The following NMNAT2 variants were observed in gnomAD, a reference collection of about 807,000 sequenced individuals.
The protein encoded by NMNAT2 is nicotinamide/nicotinic acid mononucleotide adenylyltransferase 2.
Under a neutral mutation model 41.6 loss-of-function variants are expected in NMNAT2, and 11 were observed. The observed-to-expected ratio is 0.26, with a 90% CI of 0.17 to 0.44. The LOEUF is 0.44. Among genes scored for constraint, NMNAT2 ranks in the 20% least tolerant of loss-of-function variants. The probability of loss-of-function intolerance (pLI) is 1.00; values close to 1 mark genes in which losing one functional copy is unlikely to be tolerated. For missense variants in NMNAT2, 288 were observed against 407.7 expected, an observed-to-expected ratio of 0.71 and a Z score of 2.53; for synonymous variants, 148 against 151.2, an observed-to-expected ratio of 0.98 and a Z score of 0.16.
At position 183,249,517 on chromosome 1, in the gene NMNAT2, C is replaced by G. The variant is rs986414561; in HGVS notation, c.*3124G>C. 1.3e-5 allele frequency: 2 copies of G among 152,284 alleles called. No individual in the cohort carries two copies. The highest frequency in any genetic ancestry group is 6.5e-5 in the Admixed American group (1 of 15,290). The allele number at this position is 152,284 out of a possible 1,614,324, so 9.4% of individuals were successfully genotyped here. ...TGGGCTTTGCAGGAAGGAACAGGAC[C>G]CCAGAGACAAAGTCGGGGGGTAGAG... On this transcript the variant is annotated 3_prime_UTR_variant, in exon 11 of 11. Transcript: ENST00000287713.
rs75525838 is a variant in NMNAT2, at chr1:183,287,094, C to G, written c.322-306G>C. ...CCTGAACCTCAAATCAGGAGTCTAA[C>G]CATATATCTGTCTTTTTCAGTTGTG... On this transcript the variant is annotated intron_variant, in intron 4 of 10. Coordinates refer to ENST00000287713, the MANE Select transcript of NMNAT2 (RefSeq NM_015039.4). 8.7e-3 allele frequency among the ~76,000 whole-genome samples: 1,328 copies of G among 152,188 alleles called. 28 individuals are homozygous for G. Among genetic ancestry groups the G allele is most frequent in the African/African-American group, 0.029 (1,223 of 41,512 alleles).
chr1:183,267,965 G>A (rs150167125), intron 8 of NMNAT2, among the ~76,000 whole-genome samples: 88 of 152,248 alleles, frequency 5.8e-4, no homozygotes, highest in African/African-American at 2.1e-3. Flanking sequence ...CCTCAGAGGT[G>A]GGGGTCTGTG....
chr1:183,370,145 G>A (rs79924425), intron 1 of NMNAT2, among the ~76,000 whole-genome samples: 1 of 151,574 alleles, frequency 6.6e-6, no homozygotes, highest in African/African-American at 2.4e-5. Flanking sequence ...GGACCCAAGG[G>A]GGAGAAAAAG....
chr1:183,311,912 C>T (rs1276054713), intron 1 of NMNAT2, among the ~76,000 whole-genome samples: 3 of 152,008 alleles, frequency 2.0e-5, no homozygotes, highest in Non-Finnish European at 4.4e-5. Flanking sequence ...ATGCTGTTCT[C>T]GTGATAGCAA....
intron 1 of NMNAT2, among the ~76,000 whole-genome samples, chr1:183,348,217 T>G (rs894766760): frequency 7.3e-5 from 11 of 149,758 alleles, no homozygotes; most frequent in Non-Finnish European, 1.2e-4. Context: ...CTTTTAGAGG[T>G]TTTTTTTTTC....
rs201215509 is a variant in NMNAT2 at position 183,284,733 on chromosome 1, G to A, written c.506C>T (p.Pro169Leu). ...ACCTACAAAGGTGAAACGCTCCACC[G>A]GCGGGCGGACACAGCAGATCCGGCT... is the stretch of plus-strand genomic sequence containing the variant. ...SLSRICCVRP[P>L]VERFTFVDEN... Residue 169 changes from proline to leucine, a missense_variant, in exon 6 of 11, where the codon CCG (proline) becomes CTG (leucine). Physicochemically the swap from Pro to Leu is moderately conservative, Grantham distance 98. Around this residue, in one of 3 missense-constraint regions of NMNAT2, gnomAD observed 181 missense variants for 213.7 expected, o/e 0.85. Coordinates refer to ENST00000287713, the MANE Select transcript of NMNAT2 (RefSeq NM_015039.4). 7 of 1,614,042 alleles carry A rather than the reference G, an allele frequency of 4.3e-6. No individual in the cohort carries two copies. Among genetic ancestry groups the A allele is most frequent in the East Asian group, 4.5e-5 (2 of 44,880 alleles).
chr1:183,400,859 A>G (rs540535199), intron 1 of NMNAT2, among the ~76,000 whole-genome samples: 62 of 152,338 alleles, frequency 4.1e-4, no homozygotes, highest in African/African-American at 1.4e-3. Context: ...CTGGCTAGCC[A>G]TATGTAGAAA....
intron 8 of NMNAT2, among the ~76,000 whole-genome samples, chr1:183,264,680 G>A (rs10911291): frequency 0.1 from 15,530 of 152,222 alleles, 907 homozygotes; most frequent in East Asian, 0.2. Context: ...GTATTTGCGT[G>A]TGTGCATGTG....
At chr1:183,274,026 C>T (rs1571565714) in intron 8 of NMNAT2, among the ~76,000 whole-genome samples, 2 of 151,926 alleles carry the variant, frequency 1.3e-5, no homozygotes, top group South Asian at 2.1e-4. Flanking sequence ...AATTCCCCTG[C>T]CTCAGCCACC....
intron 1 of NMNAT2, among the ~76,000 whole-genome samples, chr1:183,369,937 A>G (rs1435196607): frequency 6.6e-6 from 1 of 152,138 alleles, no homozygotes; most frequent in Admixed American, 6.5e-5. Context: ...TGCCCAAGGA[A>G]ACACCACGAG....
rs184627737 is a variant in NMNAT2, at chr1:183,405,327, T to A, written c.85+12856A>T. 4.6e-5 allele frequency among the ~76,000 whole-genome samples: 7 copies of A among 152,312 alleles called. No homozygotes were observed. The East Asian group carries it at 9.6e-4, about 21-fold the overall frequency. On this transcript the variant is annotated intron_variant, in intron 1 of 10. Coordinates refer to ENST00000287713, the MANE Select transcript of NMNAT2 (RefSeq NM_015039.4). The stretch of plus-strand genomic sequence containing the variant: ...GGAAGTGGGTAGGGGTATCAGCACA[T>A]CAAAATGAGCAAGGAATTGATAATT...
At chr1:183,371,259 T>C (rs1663534550) in intron 1 of NMNAT2, among the ~76,000 whole-genome samples, 1 of 152,156 alleles carries the variant, frequency 6.6e-6, no homozygotes. Flanking sequence ...TAGGACATTT[T>C]GAAAAAGGCA....
intron 1 of NMNAT2, among the ~76,000 whole-genome samples, chr1:183,401,633 C>T (rs890074185): frequency 1.3e-5 from 2 of 151,750 alleles, no homozygotes. Flanking sequence ...TATTGTGGCA[C>T]TATTCACAAT....
intron 8 of NMNAT2, among the ~76,000 whole-genome samples, chr1:183,273,736 T>C (rs2102292624): frequency 6.6e-6 from 1 of 152,148 alleles, no homozygotes; most frequent in East Asian, 1.9e-4. Context: ...CTTTCTTTCT[T>C]TCTTTTTCTC....
chr1:183,371,489 G>A (rs1286881095), intron 1 of NMNAT2, among the ~76,000 whole-genome samples: 1 of 152,148 alleles, frequency 6.6e-6, no homozygotes, highest in Non-Finnish European at 1.5e-5. Flanking sequence ...TGTGGATGCC[G>A]CTCCATCAGC....
intron 1 of NMNAT2, among the ~76,000 whole-genome samples, chr1:183,337,569 CAAAAAA>C (rs71127343): frequency 9.9e-6 from 1 of 100,650 alleles, no homozygotes; most frequent in Non-Finnish European, 1.9e-5. Flanking sequence ...CTCTCCACAG[CAAAAAA>C]AAAAAAAAAA....
At chr1:183,358,617 C>A (rs561654407) in intron 1 of NMNAT2, among the ~76,000 whole-genome samples, 1 of 152,200 alleles carries the variant, frequency 6.6e-6, no homozygotes, top group South Asian at 2.1e-4. Flanking sequence ...GGAGAGTAAG[C>A]CAGACGGGAA....
chr1:183,314,296 C>G (rs182258457), intron 1 of NMNAT2, among the ~76,000 whole-genome samples: 21 of 152,306 alleles, frequency 1.4e-4, no homozygotes, highest in Non-Finnish European at 2.1e-4. Context: ...TTCCTTCTGT[C>G]TCAAATGCTC....
rs1197998382 is a variant in NMNAT2, at chr1:183,397,419, G to C, written c.85+20764C>G. Among the ~76,000 whole-genome samples, 8 of 152,176 alleles carry C rather than the reference G, an allele frequency of 5.3e-5. No individual in the cohort carries two copies. In the East Asian group the frequency reaches 1.5e-3, roughly 29 times the overall value. On this transcript the variant is annotated intron_variant, in intron 1 of 10. Transcript: ENST00000287713. Reference sequence around the variant, plus strand: ...CAAGCAATATAGGACTATGTGAAAAGACCAAATCTATGTCTGACTGGTGTG... The same window carrying C: ...CAAGCAATATAGGACTATGTGAAAACACCAAATCTATGTCTGACTGGTGTG...
Sources: gnomAD v4.1 joint callset for allele counts (sites outside exome capture counted in the v4.1 genomes callset) on GRCh38, gnomAD v4.1.1 for gene constraint, gnomAD v4.1.1 regional missense constraint, MANE v1.5 for transcripts, NCBI Gene and HGNC (gene_info 2026-07-23, HGNC 2026-07-21) for gene names.